Variants in DENND4C observed in about 807,000 individuals in gnomAD.
DENND4C encodes the protein DENN domain-containing protein 4C.
In DENND4C, 108 loss-of-function variants were observed where a neutral mutation model predicts 203.0. That is an observed-to-expected ratio of 0.53 (90% CI 0.46 to 0.62). The LOEUF (loss-of-function observed/expected upper bound fraction) is 0.62, where lower values mean the gene tolerates loss of function less well. Among genes scored for constraint, DENND4C ranks in the 20% least tolerant of loss-of-function variants. The probability of loss-of-function intolerance (pLI) is 0.00; values close to 1 mark genes in which losing one functional copy is unlikely to be tolerated. For synonymous variants in DENND4C, 871 were observed against 792.4 expected, an observed-to-expected ratio of 1.10 and a Z score of -1.67; for missense variants, 2,481 against 2,301.2, an observed-to-expected ratio of 1.08 and a Z score of -1.60.
At chr9:19,294,907 G>A (rs147229191) in intron 5 of DENND4C, among the ~76,000 whole-genome samples, 310 of 152,306 alleles carry the variant, frequency 2.0e-3, no homozygotes, top group African/African-American at 6.8e-3. Context: ...AGAATGGGAA[G>A]TTACCATTTA....
intron 2 of DENND4C, among the ~76,000 whole-genome samples, chr9:19,283,232 C>T (rs573111715): frequency 2.0e-5 from 3 of 152,092 alleles, no homozygotes; most frequent in African/African-American, 7.2e-5. Context: ...TAGCCTAGCC[C>T]TACAGAGTCA....
In DENND4C at chr9:19,276,305, C is replaced by T. The variant is rs1832897350; in HGVS notation, c.131C>T (p.Thr44Ile). Residue 44 changes from threonine (T) to isoleucine (I), a missense_variant, in exon 2 of 33, where the codon ACA becomes ATA. Physicochemically the swap from Thr to Ile is moderately conservative, Grantham distance 89. This residue lies in a region of DENND4C where 187 missense variants were observed against 167.4 expected (regional missense o/e 1.12). Coordinates refer to ENST00000434457, the MANE Select transcript of DENND4C (RefSeq NM_001330640.2). The part of the protein sequence containing the change: ...TKSTGPKAPI[T>I]DIAIIIKSAG... ...TCAACTGGACCTAAAGCTCCAATTA[C>T]AGACATTGCCATTATTATCAAATCA... 1 of 1,232,054 alleles carries T rather than the reference C, an allele frequency of 8.1e-7. No homozygotes were observed. The highest frequency in any genetic ancestry group is 1.0e-6 in the Non-Finnish European group (1 of 987,924). The allele number at this position is 1,232,054 out of a possible 1,614,324, so 76.3% of individuals were successfully genotyped here.
intron 17 of DENND4C, 140 bp downstream of exon 17, chr9:19,332,324 G>A (rs1026668425): frequency 4.6e-6 from 3 of 646,078 alleles, no homozygotes; most frequent in Non-Finnish European, 5.3e-6. Context: ...GTTTCATGGA[G>A]CTGGTGCATA....
At position 19,324,511 on chromosome 9, in the gene DENND4C, A is replaced by G. The variant is rs1171969498; in HGVS notation, c.1953+4A>G. On this transcript the variant is annotated splice_donor_region_variant and intron_variant, in intron 13 of 32. Transcript: ENST00000434457. Reference sequence around the variant, plus strand: ...TTTTGATGACTGCATAGAAAAGGTAAAAGTTTGTACTTATACTAGTGTTTA... The same window carrying G: ...TTTTGATGACTGCATAGAAAAGGTAGAAGTTTGTACTTATACTAGTGTTTA... 3.7e-6 allele frequency: 6 copies of G among 1,601,028 alleles called. No homozygotes were observed. Among genetic ancestry groups the G allele is most frequent in the East Asian group, 4.5e-5 (2 of 44,722 alleles).
At chr9:19,326,247 AT>A (rs140989681) in intron 15 of DENND4C, 53 bp downstream of exon 15, 1,256 of 1,547,028 alleles carry the variant, frequency 8.1e-4, no homozygotes, top group African/African-American at 4.6e-3. Flanking sequence ...GTTTCTTTTA[AT>A]TTTTATTAGT....
In DENND4C at chr9:19,357,995, C is replaced by G; in HGVS notation, c.4995C>G (p.Val1665=). The change falls in exon 28 of 33, where the codon GTC becomes GTG. Residue 1665 remains valine (V), a synonymous_variant. Transcript: ENST00000434457. ...SDEIKRASGD[V]QTMKISSVPN... ...AAATAAAGAGAGCCAGTGGAGATGTCCAAACTATGAAAATTTCATCTGTGC... is the reference window on the plus strand; with the variant it reads ...AAATAAAGAGAGCCAGTGGAGATGTGCAAACTATGAAAATTTCATCTGTGC... 14 of 1,612,554 alleles carry G rather than the reference C, an allele frequency of 8.7e-6. No homozygotes were observed. The highest frequency in any genetic ancestry group is 1.2e-5 in the Non-Finnish European group (14 of 1,179,044).
In DENND4C at chr9:19,352,123, G is replaced by C; in HGVS notation, c.4546G>C (p.Asp1516His). 2 of 1,613,856 alleles carry C rather than the reference G, an allele frequency of 1.2e-6. No homozygotes were observed. The highest frequency in any genetic ancestry group is 1.7e-4 in the Middle Eastern group (1 of 6,058). ...GMKGQDFEKS[D>H]HGSSQNTSMS... ...GAAAGGGCAAGACTTTGAAAAATCA[G>C]ATCATGGTTCTTCTCAAAATACCAG... is the stretch of plus-strand genomic sequence containing the variant. The change falls in exon 25 of 33, where the codon GAT (aspartate) becomes CAT (histidine). Residue 1516 changes from aspartate to histidine, a missense_variant. Asp to His is a moderately conservative substitution (Grantham distance 81). Transcript: ENST00000434457.
At chr9:19,362,015 T>A (rs1826593723) in intron 30 of DENND4C, 52 bp downstream of exon 30, 1 of 1,159,674 alleles carries the variant, frequency 8.6e-7, no homozygotes, top group Non-Finnish European at 1.3e-6. Context: ...GGCTCGCACC[T>A]GTAATGCCAG....
intron 10 of DENND4C, among the ~76,000 whole-genome samples, chr9:19,306,279 A>G (rs1257535359): frequency 6.6e-6 from 1 of 152,214 alleles, no homozygotes; most frequent in Non-Finnish European, 1.5e-5. Flanking sequence ...TAAGGCCTGA[A>G]TAGTTCCAAC....
chr9:19,244,482 T>C lies in DENND4C; in HGVS notation c.-18+13649T>C, dbSNP rs185623045. Among the ~76,000 whole-genome samples the C allele has an allele frequency of 1.1e-3, 161 of 152,114 alleles. 3 individuals are homozygous for C. In the East Asian group the frequency reaches 0.021, roughly 20 times the overall value. On this transcript the variant is annotated intron_variant, in intron 1 of 32. Coordinates refer to ENST00000434457, the MANE Select transcript of DENND4C (RefSeq NM_001330640.2). The stretch of plus-strand genomic sequence containing the variant: ...TTGGCCGGGCGTGGTGGCTCACACC[T>C]GTAATCCCAGCACTTTGGGAGGCTG...
rs751824031 is a variant in DENND4C, at chr9:19,302,349, G to C, written c.1311+2018G>C. Among the ~76,000 whole-genome samples, 22 of 152,328 alleles carry C rather than the reference G, an allele frequency of 1.4e-4. 2 individuals are homozygous for C. Among genetic ancestry groups the C allele is most frequent in the Admixed American group, 4.6e-4 (7 of 15,300 alleles). ...GCTTTATAAAAAGTGACCCTATAGT[G>C]TTGCAAAAAGGCAAAGGTGAAGAGA... is the stretch of plus-strand genomic sequence containing the variant. On this transcript the variant is annotated intron_variant, in intron 9 of 32. Transcript: ENST00000434457.
intron 4 of DENND4C, among the ~76,000 whole-genome samples, chr9:19,289,305 T>C (rs1179463886): frequency 6.6e-6 from 1 of 152,206 alleles, no homozygotes; most frequent in African/African-American, 2.4e-5. Context: ...GCTCCAGTTG[T>C]AAATAGAAAA....
intron 1 of DENND4C, among the ~76,000 whole-genome samples, chr9:19,274,539 C>T (rs533610405): frequency 5.1e-4 from 77 of 152,344 alleles, no homozygotes; most frequent in African/African-American, 1.8e-3. Context: ...AGGTGTTGCA[C>T]CCTCCTCGGC....
chr9:19,246,294 C>T (rs566428364), intron 1 of DENND4C, among the ~76,000 whole-genome samples: 1 of 152,158 alleles, frequency 6.6e-6, no homozygotes, highest in Non-Finnish European at 1.5e-5. Flanking sequence ...AACAAATACG[C>T]TAGCTCGTCT....
At chr9:19,262,073 G>GTTTTTTTTTTTTTTTTTTTTTTTTTTTT (rs1564096927) in intron 1 of DENND4C, among the ~76,000 whole-genome samples, 1 of 73,870 alleles carries the variant, frequency 1.4e-5, no homozygotes, top group African/African-American at 4.5e-5. Context: ...GAATTTATTA[G>GTTTTTTTTTTTTTTTTTTTTTTTTTTTT]TTCTTTTTTT....
intron 2 of DENND4C, among the ~76,000 whole-genome samples, chr9:19,281,318 A>G (rs1248487450): frequency 6.6e-6 from 1 of 152,148 alleles, no homozygotes; most frequent in Non-Finnish European, 1.5e-5. Flanking sequence ...CATGATGGTT[A>G]ATATTTCTCT....
intron 12 of DENND4C, among the ~76,000 whole-genome samples, chr9:19,319,195 G>GTATATACACATATATGTATATATA (rs1842354388): frequency 1.4e-5 from 2 of 142,234 alleles, no homozygotes; most frequent in South Asian, 2.2e-4. Context: ...ATATATACAC[G>GTATATACACATATATGTATATATA]TATATACACA....
chr9:19,360,292 T>C lies in DENND4C; in HGVS notation c.5209T>C (p.Leu1737=), dbSNP rs556785278. The change falls in exon 29 of 33, where the codon TTG becomes CTG. Residue 1737 remains leucine, a synonymous_variant. Coordinates refer to ENST00000434457, the MANE Select transcript of DENND4C (RefSeq NM_001330640.2). ...PNPPPVSVPY[L]SPLVLRKELE... ...TCCTCCCCCTGTTTCTGTGCCCTAC[T>C]TGAGTCCTCTAGTACTCCGTAAAGA... 6.2e-7 allele frequency: 1 copy of C among 1,614,048 alleles called. No individual in the cohort carries two copies. The highest frequency in any genetic ancestry group is 1.3e-5 in the African/African-American group (1 of 75,060).
At chr9:19,297,950 G>A in intron 6 of DENND4C, 106 bp from the exon 7 acceptor site, 3 of 823,018 alleles carry the variant, frequency 3.6e-6, no homozygotes, top group Non-Finnish European at 5.5e-6. Context: ...TAGATAAATG[G>A]CCATGTCATA....
Sources: gnomAD v4.1 joint callset for allele counts (sites outside exome capture counted in the v4.1 genomes callset) on GRCh38, gnomAD v4.1.1 for gene constraint, gnomAD v4.1.1 regional missense constraint, MANE v1.5 for transcripts, NCBI Gene and HGNC (gene_info 2026-07-23, HGNC 2026-07-21) for gene names.